Variants in SI observed in about 807,000 individuals in gnomAD.
SI encodes the protein sucrase-isomaltase.
Under a neutral mutation model 253.3 loss-of-function variants are expected in SI, and 235 were observed. That is an observed-to-expected ratio of 0.93 (90% CI 0.83 to 1.03). The LOEUF is 1.03. Among genes scored for constraint, SI ranks in the 50% least tolerant of loss-of-function variants. SI has a pLI of 0.00. For missense variants in SI, 2,442 were observed against 2,211.1 expected (o/e 1.10, Z -2.09); for synonymous variants, 819 against 712.0 (o/e 1.15, Z -2.39).
rs149173603 is a variant in SI, at chr3:165,013,625, G to A, written c.4000-583C>T. ...ACAAAACAGAGCTGAAATTCAATTT[G>A]CTGAAAGCTCTGGAAATTTGGATCT... is the stretch of plus-strand genomic sequence containing the variant. On this transcript the variant is annotated intron_variant, in intron 33 of 47. Transcript: ENST00000264382. Among the ~76,000 whole-genome samples the A allele has an allele frequency of 4.6e-5, 7 of 152,086 alleles. No homozygotes were observed. In the East Asian group the frequency reaches 1.4e-3, roughly 30 times the overall value.
chr3:165,039,828 AG>A, intron 19 of SI, 58 bp downstream of exon 19: 3 of 1,113,180 alleles, frequency 2.7e-6, no homozygotes, highest in Non-Finnish European at 4.1e-6. Context: ...TTTGTAATGT[AG>A]GGTCGATTTA....
chr3:165,029,590 GTATATATATACA>G (rs1712120556), intron 25 of SI, among the ~76,000 whole-genome samples: 1 of 143,854 alleles, frequency 7.0e-6, no homozygotes, highest in South Asian at 2.1e-4. Context: ...ACATATATAT[GTATATATATACA>G]TATATATGTA....
At chr3:165,003,575 A>G (rs1718356148) in intron 37 of SI, among the ~76,000 whole-genome samples, 2 of 152,076 alleles carry the variant, frequency 1.3e-5, no homozygotes, top group South Asian at 2.1e-4. Flanking sequence ...GAAATAAGAT[A>G]AGTAGGTTTT....
chr3:165,086,303 C>A, the SI span, among the ~76,000 whole-genome samples: 2 of 151,968 alleles, frequency 1.3e-5, no homozygotes, highest in African/African-American at 4.8e-5. Context: ...TACATGTCAC[C>A]CATAATACAT....
intron 12 of SI, among the ~76,000 whole-genome samples, chr3:165,056,664 A>G (rs1166211143): frequency 6.6e-6 from 1 of 152,160 alleles, no homozygotes; most frequent in African/African-American, 2.4e-5. Flanking sequence ...CTGCCACAGC[A>G]GAAAGTACAA....
At chr3:165,087,100 A>C in the SI span, among the ~76,000 whole-genome samples, 1 of 152,118 alleles carries the variant, frequency 6.6e-6, no homozygotes, top group Non-Finnish European at 1.5e-5. Context: ...GAAGACCTGA[A>C]GCTAGGGCAA....
chr3:165,044,621 G>A (rs532265717), intron 16 of SI, among the ~76,000 whole-genome samples: 3 of 151,946 alleles, frequency 2.0e-5, no homozygotes, highest in Non-Finnish European at 2.9e-5. Context: ...AATTTTTACA[G>A]ATTTAAGGTA....
At position 165,046,827 on chromosome 3, in the gene SI, T is replaced by C; in HGVS notation, c.1887+14A>G. The C allele has an allele frequency of 1.3e-5, 21 of 1,601,924 alleles. No individual in the cohort carries two copies. The highest frequency in any genetic ancestry group is 1.7e-5 in the Non-Finnish European group (20 of 1,169,400). On this transcript the variant is annotated intron_variant, in intron 16 of 47. Coordinates refer to ENST00000264382, the MANE Select transcript of SI (RefSeq NM_001041.4). The stretch of plus-strand genomic sequence containing the variant: ...TGTAGCTTTTATGAGTAACACTCTA[T>C]GAAACTGTCTTACCAAAGGTATTCC...
chr3:165,007,967 C>G lies in SI; in HGVS notation c.4211G>C (p.Gly1404Ala). 1 of 1,597,646 alleles carries G rather than the reference C, an allele frequency of 6.3e-7. No individual in the cohort carries two copies. The highest frequency in any genetic ancestry group is 1.1e-5 in the South Asian group (1 of 90,618). ...ATTTCTGCATTGATTAGTAGTTGTT[C>G]CATTTACAAAACTTGATGGCTCATT... Reference protein sequence around the residue: ...DMNEPSSFVNGTTTNQCRNDE... With the variant: ...DMNEPSSFVNATTTNQCRNDE... Residue 1404 changes from glycine to alanine, a missense_variant, in exon 36 of 48, where the codon GGA (glycine) becomes GCA (alanine). Coordinates refer to ENST00000264382, the MANE Select transcript of SI (RefSeq NM_001041.4).
At chr3:164,990,294 A>G (rs1313575623) in intron 44 of SI, among the ~76,000 whole-genome samples, 1 of 152,146 alleles carries the variant, frequency 6.6e-6, no homozygotes, top group Non-Finnish European at 1.5e-5. Context: ...TCTTCATAAT[A>G]CTAGATCTTC....
intron 8 of SI, among the ~76,000 whole-genome samples, chr3:165,062,720 G>A (rs1244146691): frequency 4.6e-5 from 7 of 151,966 alleles, no homozygotes; most frequent in Non-Finnish European, 7.4e-5. Flanking sequence ...GGTGGCAAAA[G>A]CTCCCCTGGA....
At chr3:164,985,900 A>G (rs1717410927) in intron 45 of SI, among the ~76,000 whole-genome samples, 1 of 152,166 alleles carries the variant, frequency 6.6e-6, no homozygotes, top group South Asian at 2.1e-4. Flanking sequence ...GGTGTTTCTG[A>G]TAACAACGGT....
At chr3:165,054,601 C>T (rs1713600550) in intron 13 of SI, among the ~76,000 whole-genome samples, 2 of 152,090 alleles carry the variant, frequency 1.3e-5, no homozygotes, top group South Asian at 4.1e-4. Context: ...ATGATTGGCT[C>T]ACCTCAGCCT....
chr3:164,991,775 G>T (rs914459431), intron 43 of SI, among the ~76,000 whole-genome samples: 1 of 151,944 alleles, frequency 6.6e-6, no homozygotes, highest in African/African-American at 2.4e-5. Context: ...ATCATTTATA[G>T]CGTTGTTTTT....
At chr3:165,077,715 T>C (rs139971491) in intron 1 of SI, among the ~76,000 whole-genome samples, 1 of 151,640 alleles carries the variant, frequency 6.6e-6, no homozygotes, top group African/African-American at 2.4e-5. Context: ...TCATTTGAAG[T>C]GATAACCTAC....
chr3:165,076,175 T>C (rs1455668293), intron 1 of SI, among the ~76,000 whole-genome samples, 163 bp from the exon 2 acceptor site: 1 of 151,888 alleles, frequency 6.6e-6, no homozygotes, highest in African/African-American at 2.4e-5. Context: ...CTTAATAATA[T>C]ATTAAGCATG....
rs781073310 is a variant in SI at position 165,075,915 on chromosome 3, G to T, written c.98C>A (p.Thr33Asn). ...IAIALIVVLA[T>N]KTPAVDEISD... ...CTTACCATCAACAGCAGGTGTCTTAGTTGCTAAAACAACAATTAAGGCAAT... is the reference window on the plus strand; with the variant it reads ...CTTACCATCAACAGCAGGTGTCTTATTTGCTAAAACAACAATTAAGGCAAT... Residue 33 changes from threonine to asparagine, a missense_variant, in exon 2 of 48, where the codon ACT (threonine) becomes AAT (asparagine). By Grantham distance (65) the Thr-to-Asn change is moderately conservative. Coordinates refer to ENST00000264382, the MANE Select transcript of SI (RefSeq NM_001041.4). 4 of 1,590,408 alleles carry T rather than the reference G, an allele frequency of 2.5e-6. No individual in the cohort carries two copies. In the Admixed American group the frequency reaches 5.0e-5, roughly 20 times the overall value.
Position 164,998,631 on chromosome 3 carries a change from A to C in SI, c.4449T>G (p.Ser1483=). 1 of 1,611,758 alleles carries C rather than the reference A, an allele frequency of 6.2e-7. No individual in the cohort carries two copies. The highest frequency in any genetic ancestry group is 8.5e-7 in the Non-Finnish European group (1 of 1,178,314). ...GTCCACTAGTAGGATACGTGGAACG[A>C]GAAATTACAATCCCTCTTTTTCCAG... ...KTTGKRGIVI[S]RSTYPTSGRW... The change falls in exon 38 of 48, where the codon TCT becomes TCG. Residue 1483 remains serine (S), a synonymous_variant. Transcript: ENST00000264382.
At chr3:165,011,618 C>G (rs972340847) in intron 34 of SI, among the ~76,000 whole-genome samples, 3 of 151,716 alleles carry the variant, frequency 2.0e-5, no homozygotes, top group Non-Finnish European at 2.9e-5. Context: ...TCTGTTAAGT[C>G]CATTTGGCCT....
Sources: allele counts gnomAD v4.1 joint callset (sites outside exome capture counted in the v4.1 genomes callset), GRCh38; gene constraint gnomAD v4.1.1; transcripts MANE v1.5; gene names NCBI Gene and HGNC (gene_info 2026-07-23, HGNC 2026-07-21).